The following TTC39B variants were observed in gnomAD, a reference collection of about 807,000 sequenced individuals.
The protein encoded by TTC39B is tetratricopeptide repeat protein 39B.
TTC39B carries 92 observed loss-of-function variants against 96.6 expected under a neutral mutation model. The ratio of observed to expected loss-of-function variants is 0.95; its 90% CI spans 0.80 to 1.13. The LOEUF is 1.13. Among genes scored for constraint, TTC39B ranks in the 50% most tolerant of loss-of-function variants. TTC39B has a pLI of 0.00. For missense variants in TTC39B, 955 were observed against 809.3 expected (o/e 1.18, Z -2.18); for synonymous variants, 367 against 299.4 (o/e 1.23, Z -2.33).
At chr9:15,251,497 G>A (rs998052443) in intron 2 of TTC39B, among the ~76,000 whole-genome samples, 1 of 151,850 alleles carries the variant, frequency 6.6e-6, no homozygotes, top group Non-Finnish European at 1.5e-5. Flanking sequence ...GGTAGGTGCA[G>A]GTTGCGGTGA....
intron 19 of TTC39B, among the ~76,000 whole-genome samples, chr9:15,174,018 T>G (rs1002519093): frequency 6.6e-6 from 1 of 152,166 alleles, no homozygotes; most frequent in Non-Finnish European, 1.5e-5. Flanking sequence ...AGTTGGTTGA[T>G]TTCTGATGAC....
chr9:15,250,974 G>A (rs1281645443), intron 2 of TTC39B, among the ~76,000 whole-genome samples: 1 of 151,926 alleles, frequency 6.6e-6, no homozygotes, highest in East Asian at 1.9e-4. Flanking sequence ...GAGGGGGGCA[G>A]ATCACAAGGT....
intron 5 of TTC39B, among the ~76,000 whole-genome samples, chr9:15,211,041 C>G (rs992912449): frequency 2.6e-5 from 4 of 151,632 alleles, no homozygotes; most frequent in Non-Finnish European, 4.4e-5. Flanking sequence ...GAAATCCCCC[C>G]GAAATCCCCC....
At chr9:15,271,057 C>T (rs932966604) in intron 1 of TTC39B, among the ~76,000 whole-genome samples, 6 of 147,712 alleles carry the variant, frequency 4.1e-5, no homozygotes, top group African/African-American at 1.5e-4. Context: ...AACTGGGGTT[C>T]AATCTCAGGC....
At chr9:15,259,663 G>A (rs1451452902) in intron 2 of TTC39B, among the ~76,000 whole-genome samples, 1 of 152,090 alleles carries the variant, frequency 6.6e-6, no homozygotes, top group African/African-American at 2.4e-5. Flanking sequence ...ACTTAGGATG[G>A]TTCAACTTGC....
intron 1 of TTC39B, among the ~76,000 whole-genome samples, chr9:15,273,923 C>T (rs1028013678): frequency 2.6e-5 from 4 of 152,286 alleles, no homozygotes; most frequent in South Asian, 4.1e-4. Flanking sequence ...TTAGGTTCTA[C>T]GGAATACAAA....
At chr9:15,168,516 T>C (rs1362397260) in exon 20 of TTC39B, 5 of 152,056 alleles carry the variant, frequency 3.3e-5, no homozygotes, top group Non-Finnish European at 7.4e-5. Context: ...AAAATTATTT[T>C]TAATGTCCAA....
intron 1 of TTC39B, 45 bp from the exon 2 acceptor site, chr9:15,267,993 TG>T: frequency 6.4e-7 from 1 of 1,573,146 alleles, no homozygotes; most frequent in Non-Finnish European, 8.7e-7. Context: ...GAATTCTCAA[TG>T]GGTTTCTCAA....
exon 20 of TTC39B, chr9:15,167,338 A>G (rs936104784): frequency 2.0e-5 from 3 of 148,028 alleles, no homozygotes; most frequent in Non-Finnish European, 4.5e-5. Flanking sequence ...GTGAGCCACC[A>G]TTGCCAGCCT....
rs1564316080 is a variant in TTC39B, at chr9:15,182,292, A to C, written c.1723+15T>G. On this transcript the variant is annotated intron_variant, in intron 17 of 19. Coordinates refer to ENST00000512701, the Ensembl canonical transcript of TTC39B. Reference sequence around the variant, plus strand: ...CAGAGACAAAGGCTCCTCGGTGCTTACTGTGTATACTTACTTTGACTTTGT... The same window carrying C: ...CAGAGACAAAGGCTCCTCGGTGCTTCCTGTGTATACTTACTTTGACTTTGT... 1 of 1,552,012 alleles carries C rather than the reference A, an allele frequency of 6.4e-7. No individual in the cohort carries two copies. Among genetic ancestry groups the C allele is most frequent in the Non-Finnish European group, 8.8e-7 (1 of 1,133,468 alleles).
intron 3 of TTC39B, among the ~76,000 whole-genome samples, chr9:15,219,950 A>G (rs1586901108): frequency 6.6e-6 from 1 of 152,166 alleles, no homozygotes; most frequent in East Asian, 1.9e-4. Flanking sequence ...CACGCATCTA[A>G]GCTATAATAC....
At position 15,306,964 on chromosome 9, in the gene TTC39B, C is replaced by G; in HGVS notation, c.240+120G>C. Reference sequence around the variant, plus strand: ...CGCCCCCACCCGGCGCCCGCCAGCCCACCCCAGAGAGGGGACCAAGGGGGC... The same window carrying G: ...CGCCCCCACCCGGCGCCCGCCAGCCGACCCCAGAGAGGGGACCAAGGGGGC... On this transcript the variant is annotated intron_variant, in intron 1 of 19. Coordinates refer to ENST00000512701, the Ensembl canonical transcript of TTC39B. This position sits in a 1 kb window ranked among gnomAD's most constrained non-coding sequence, Gnocchi z 5.1. The G allele has an allele frequency of 1.4e-6, 2 of 1,436,638 alleles. No homozygotes were observed. Among genetic ancestry groups the G allele is most frequent in the Admixed American group, 5.4e-5 (2 of 37,006 alleles). 89.0% of individuals were successfully genotyped at this position (1,436,638 alleles called of 1,614,324 possible). A position where few individuals can be genotyped will look rare whatever the true frequency, so the allele number is the denominator to read the frequency against.
At chr9:15,255,229 C>T (rs750483698) in intron 2 of TTC39B, among the ~76,000 whole-genome samples, 12 of 152,156 alleles carry the variant, frequency 7.9e-5, no homozygotes, top group Non-Finnish European at 1.8e-4. Flanking sequence ...CAGGGTTCTT[C>T]CAATTTGTTG....
chr9:15,226,118 T>A, intron 2 of TTC39B, 106 bp from the exon 3 acceptor site: 1 of 834,078 alleles, frequency 1.2e-6, no homozygotes, highest in Non-Finnish European at 1.8e-6. Context: ...TTTTTATACA[T>A]CTTACCTCCA....
At chr9:15,285,408 A>T (rs936422244) in intron 1 of TTC39B, among the ~76,000 whole-genome samples, 2 of 152,360 alleles carry the variant, frequency 1.3e-5, no homozygotes, top group South Asian at 2.1e-4. Flanking sequence ...AAGAATATAC[A>T]CACAACGAAA....
intron 1 of TTC39B, among the ~76,000 whole-genome samples, chr9:15,302,284 C>T (rs1824618065): frequency 6.7e-6 from 1 of 149,804 alleles, no homozygotes; most frequent in African/African-American, 2.5e-5. Flanking sequence ...CAAGATCATG[C>T]CACTGCACTC....
intron 1 of TTC39B, among the ~76,000 whole-genome samples, chr9:15,282,349 T>C (rs1427864441): frequency 6.6e-6 from 1 of 152,208 alleles, no homozygotes; most frequent in Non-Finnish European, 1.5e-5. Flanking sequence ...GAATTTGAAA[T>C]GACTGCAGAG....
intron 2 of TTC39B, among the ~76,000 whole-genome samples, chr9:15,245,532 T>C (rs1214494218): frequency 3.3e-5 from 5 of 152,134 alleles, no homozygotes; most frequent in Non-Finnish European, 7.3e-5. Flanking sequence ...CCTAAGCTAA[T>C]ATTAAGGAGG....
chr9:15,229,148 A>G, intron 2 of TTC39B, among the ~76,000 whole-genome samples: 1 of 152,386 alleles, frequency 6.6e-6, no homozygotes, highest in South Asian at 2.1e-4. Flanking sequence ...CTTCAAATAC[A>G]TAAAGTAGAG....
Sources: allele counts gnomAD v4.1 joint callset (sites outside exome capture counted in the v4.1 genomes callset), GRCh38; gene constraint gnomAD v4.1.1; non-coding constraint Gnocchi (gnomAD v3.1); transcripts MANE v1.5; gene names NCBI Gene and HGNC (gene_info 2026-07-23, HGNC 2026-07-21).